TSC2: variants seen among roughly 807,000 people sequenced by gnomAD.
TSC2 encodes TSC complex subunit 2, also known as tuberin.
Under a neutral mutation model 202.2 loss-of-function variants are expected in TSC2, and 29 were observed. The ratio of observed to expected loss-of-function variants is 0.14; its 90% CI spans 0.11 to 0.20. The LOEUF is 0.20. Among genes scored for constraint, TSC2 ranks in the 10% least tolerant of loss-of-function variants. The pLI is 1.00. For synonymous variants in TSC2, 1,349 were observed against 1,044.0 expected (o/e 1.29, Z -5.63); for missense variants, 2,429 against 2,420.0 (o/e 1.00, Z -0.08).
Position 2,088,262 on chromosome 16 carries a change from C to T in TSC2, c.5196C>T (p.Pro1732=), listed in dbSNP as rs910514279. 10 of 1,613,090 alleles carry T rather than the reference C, an allele frequency of 6.2e-6. No individual in the cohort carries two copies. The highest frequency in any genetic ancestry group is 8.5e-6 in the Non-Finnish European group (10 of 1,180,028). The change falls in exon 41 of 42, where the codon CCC becomes CCT. Residue 1732 remains proline (P), a synonymous_variant. Coordinates refer to ENST00000219476, the MANE Select transcript of TSC2 (RefSeq NM_000548.5). The stretch of plus-strand genomic sequence containing the variant: ...AGGTGCATCATAGCCGCTCCAACCC[C>T]ACCGATATCTACCCCTCCAAGTGGA... ...ASQVHHSRSN[P]TDIYPSKWIA...
Position 2,066,879 on chromosome 16 carries a change from C to A in TSC2, c.1716+1244C>A, listed in dbSNP as rs1282081828. ...GTTTCACCATGTTGGCCAGGCTGGT[C>A]TTGAACTCCTGACCTCAGGTGATCC... On this transcript the variant is annotated intron_variant, in intron 16 of 41. Coordinates refer to ENST00000219476, the MANE Select transcript of TSC2 (RefSeq NM_000548.5). 2.0e-5 allele frequency among the ~76,000 whole-genome samples: 3 copies of A among 152,024 alleles called. No individual in the cohort carries two copies. The South Asian group carries it at 6.2e-4, about 32-fold the overall frequency.
rs1357118862 is a variant in TSC2, at chr16:2,086,881, G to T, written c.4989+10G>T. ...GCTTGGCACCATCAAGGTGAGTGAG[G>T]GGCCGTCAGTGAGGCTGGGCCCCAG... On this transcript the variant is annotated intron_variant, in intron 38 of 41. Coordinates refer to ENST00000219476, the MANE Select transcript of TSC2 (RefSeq NM_000548.5). 4 of 1,574,394 alleles carry T rather than the reference G, an allele frequency of 2.5e-6. 1 individual carries two copies. The Middle Eastern group carries it at 5.8e-4, about 228-fold the overall frequency.
intron 16 of TSC2, 81 bp downstream of exon 16, chr16:2,065,716 C>A (rs969933751): frequency 1.5e-6 from 2 of 1,307,618 alleles, no homozygotes; most frequent in Admixed American, 1.7e-5. Flanking sequence ...GTGTTGGAGT[C>A]TGTTCCCCAG....
At position 2,071,539 on chromosome 16, in the gene TSC2, C is replaced by T. The variant is rs111244727; in HGVS notation, c.1869C>T (p.Ala623=). The part of the protein sequence containing the change: ...QAFDFLLLLR[A]DSLHRLGLPN... ...TTGACTTCCTGTTGCTGCTGCGGGC[C>T]GACTCACTGCACCGCCTGGGCCTGC... Residue 623 remains alanine, a synonymous_variant, in exon 18 of 42, where the codon GCC becomes GCT. Transcript: ENST00000219476. 3.3e-4 allele frequency: 532 copies of T among 1,613,564 alleles called. 1 individual carries two copies. The African/African-American group carries it at 5.9e-3, about 18-fold the overall frequency.
chr16:2,088,565 G>T lies in TSC2; in HGVS notation c.5379G>T (p.Arg1793=). 1.2e-6 allele frequency: 2 copies of T among 1,610,434 alleles called. No individual in the cohort carries two copies. ...CACCTGGCTATGAGGTGGGCCAGCG[G>T]AAGCGCCTCATCTCCTCGGTGGAGG... ...EPTPGYEVGQ[R]KRLISSVEDF... is the part of the protein sequence containing the mutation. The change falls in exon 42 of 42, where the codon CGG becomes CGT. Residue 1793 remains arginine, a synonymous_variant. Coordinates refer to ENST00000219476, the MANE Select transcript of TSC2 (RefSeq NM_000548.5).
chr16:2,064,893 T>G (rs2087107871), intron 15 of TSC2: 1 of 233,020 alleles, frequency 4.3e-6, no homozygotes, highest in African/African-American at 2.5e-5. Context: ...GCAGGTGGAT[T>G]GCTTGAGTTC....
At chr16:2,070,690 C>A in intron 17 of TSC2, 112 bp downstream of exon 17, 2 of 1,531,968 alleles carry the variant, frequency 1.3e-6, no homozygotes, top group Non-Finnish European at 1.8e-6. Context: ...GGGGCCTCAG[C>A]TGACCGTCCC....
At chr16:2,072,082 G>A in intron 19 of TSC2, 148 bp downstream of exon 19, 1 of 1,495,628 alleles carries the variant, frequency 6.7e-7, no homozygotes, top group Non-Finnish European at 8.9e-7. Context: ...CCGAGCAGCT[G>A]CAGGGACAGA....
intron 30 of TSC2, 27 bp from the exon 31 acceptor site, chr16:2,081,568 A>G (rs770450953): frequency 1.2e-6 from 2 of 1,612,768 alleles, no homozygotes; most frequent in African/African-American, 1.3e-5. Flanking sequence ...TACTGGCCTC[A>G]GGCCAAAGGT....
intron 10 of TSC2, among the ~76,000 whole-genome samples, chr16:2,060,311 C>T (rs917021801): frequency 6.6e-6 from 1 of 152,208 alleles, no homozygotes; most frequent in African/African-American, 2.4e-5. Context: ...TGCTACCCCC[C>T]TCCCCGTAGG....
Position 2,084,941 on chromosome 16 carries a change from C to G in TSC2, c.4494-10C>G, listed in dbSNP as rs753499012. ...CTCACCTGGGTGCCCACCATCCCCT[C>G]CCTGTGCAGTTTCGTGTTCCTGCAG... On this transcript the variant is annotated splice_polypyrimidine_tract_variant and intron_variant, in intron 34 of 41. Coordinates refer to ENST00000219476, the MANE Select transcript of TSC2 (RefSeq NM_000548.5). 2 of 1,613,272 alleles carry G rather than the reference C, an allele frequency of 1.2e-6. No individual in the cohort carries two copies. The highest frequency in any genetic ancestry group is 1.7e-6 in the Non-Finnish European group (2 of 1,179,970).
rs773409154 is a variant in TSC2, at chr16:2,076,052, C to T, written c.2640-16C>T. 1 of 1,613,894 alleles carries T rather than the reference C, an allele frequency of 6.2e-7. No individual in the cohort carries two copies. Among genetic ancestry groups the T allele is most frequent in the Non-Finnish European group, 8.5e-7 (1 of 1,180,034 alleles). ...CCTGCTGCCAGGATGGAGTGCCAGC[C>T]CCCTTCTCATCTCAGGTTTAATCAG... On this transcript the variant is annotated splice_polypyrimidine_tract_variant and intron_variant, in intron 23 of 41. Transcript: ENST00000219476.
rs756536921 is a variant in TSC2, at chr16:2,071,876, G to C, written c.2039G>C (p.Arg680Pro). 1.9e-6 allele frequency: 3 copies of C among 1,597,204 alleles called. No homozygotes were observed. The highest frequency in any genetic ancestry group is 2.6e-6 in the Non-Finnish European group (3 of 1,172,572). The change falls in exon 19 of 42, where the codon CGG becomes CCG. Residue 680 changes from arginine to proline, a missense_variant. Physicochemically the swap from Arg to Pro is moderately radical, Grantham distance 103 (BLOSUM62 -2). Coordinates refer to ENST00000219476, the MANE Select transcript of TSC2 (RefSeq NM_000548.5). ...CCGGCGCCTGCAGGCCCCGCCGTGCGGCTGGGGTCCGTGCCCTACTCCCTG... is the reference window on the plus strand; with the variant it reads ...CCGGCGCCTGCAGGCCCCGCCGTGCCGCTGGGGTCCGTGCCCTACTCCCTG... Reference protein sequence around the residue: ...PGPAPAGPAVRLGSVPYSLLF... With the variant: ...PGPAPAGPAVPLGSVPYSLLF...
intron 14 of TSC2, chr16:2,063,429 G>A: frequency 2.7e-6 from 1 of 371,906 alleles, no homozygotes; most frequent in Non-Finnish European, 5.1e-6. Context: ...CTGCGTGATC[G>A]CCAGCCCTGC....
chr16:2,055,428 G>C lies in TSC2; in HGVS notation c.508G>C (p.Val170Leu). 1 of 1,614,244 alleles carries C rather than the reference G, an allele frequency of 6.2e-7. No homozygotes were observed. Among genetic ancestry groups the C allele is most frequent in the Non-Finnish European group, 8.5e-7 (1 of 1,180,046 alleles). Residue 170 changes from valine (V) to leucine (L), a missense_variant, in exon 6 of 42, where the codon GTT becomes CTT. Physicochemically the swap from Val to Leu is conservative, Grantham distance 32. Coordinates refer to ENST00000219476, the MANE Select transcript of TSC2 (RefSeq NM_000548.5). Reference sequence around the variant, plus strand: ...TGACTTTGTCCTGCAGTGGATGGATGTTGGCTTGTCCTCGGAATTCCTTCT... The same window carrying C: ...TGACTTTGTCCTGCAGTGGATGGATCTTGGCTTGTCCTCGGAATTCCTTCT... ...LADFVLQWMD[V>L]GLSSEFLLVL...
chr16:2,076,202 T>G, intron 24 of TSC2, 32 bp downstream of exon 24: 1 of 1,612,776 alleles, frequency 6.2e-7, no homozygotes. Flanking sequence ...GCTGTGTCTC[T>G]CGGTAGGCCA....
intron 36 of TSC2, among the ~76,000 whole-genome samples, chr16:2,085,806 T>C (rs979007377): frequency 6.6e-6 from 1 of 152,072 alleles, no homozygotes; most frequent in Non-Finnish European, 1.5e-5. Context: ...GGGCCTGGGC[T>C]GCTTCTGAGC....
chr16:2,048,017 C>G lies in TSC2; in HGVS notation c.-78C>G, dbSNP rs750647204. 5.5e-6 allele frequency: 8 copies of G among 1,454,972 alleles called. No homozygotes were observed. Among genetic ancestry groups the G allele is most frequent in the Non-Finnish European group, 6.3e-6 (7 of 1,109,152 alleles). 90.1% of individuals were successfully genotyped at this position (1,454,972 alleles called of 1,614,324 possible). A position where few individuals can be genotyped will look rare whatever the true frequency, so the allele number is the denominator to read the frequency against. On this transcript the variant is annotated 5_prime_UTR_variant, in exon 1 of 42. Coordinates refer to ENST00000219476, the MANE Select transcript of TSC2 (RefSeq NM_000548.5). The stretch of plus-strand genomic sequence containing the variant: ...GCGGCGTCCCGGGGCCAGGGGGGTG[C>G]GCCTTTCTCCGCGTCGGGGCGGCCC...
At position 2,084,882 on chromosome 16, in the gene TSC2, C is replaced by G. The variant is rs530247368; in HGVS notation, c.4494-69C>G. ...GTGGGAGATGGCCAGGCTCTGTGTT[C>G]CTCCCTGTGGGCTGTGGCTGCCCTG... On this transcript the variant is annotated intron_variant, in intron 34 of 41. Transcript: ENST00000219476. 1.5e-5 allele frequency: 24 copies of G among 1,606,158 alleles called. No individual in the cohort carries two copies. In the Admixed American group the frequency reaches 3.8e-4, roughly 26 times the overall value.
Sources: allele counts gnomAD v4.1 joint callset (sites outside exome capture counted in the v4.1 genomes callset), GRCh38; gene constraint gnomAD v4.1.1; transcripts MANE v1.5; gene names NCBI Gene and HGNC (gene_info 2026-07-23, HGNC 2026-07-21).